Variants in ACTL8 observed in about 807,000 individuals in gnomAD.
The protein encoded by ACTL8 is actin-like protein 8.
In ACTL8, 3 loss-of-function variants were observed where a neutral mutation model predicts 9.3. The ratio of observed to expected loss-of-function variants is 0.32; its 90% CI spans 0.15 to 0.83. The LOEUF (loss-of-function observed/expected upper bound fraction) is 0.83, where lower values mean the gene tolerates loss of function less well. Ranked by LOEUF, ACTL8 falls within the 40% of genes least tolerant of loss-of-function variation. ACTL8 has a pLI of 0.57. For synonymous variants in ACTL8, 224 were observed against 205.9 expected, an observed-to-expected ratio of 1.09 and a Z score of -0.75; for missense variants, 381 against 492.2, an observed-to-expected ratio of 0.77 and a Z score of 2.14.
rs1363581514 is a variant in ACTL8 at position 17,800,010 on chromosome 1, A to G, written c.-24-22975A>G. On this transcript the variant is annotated intron_variant, in intron 1 of 2. Transcript: ENST00000375406. ...TTGCTGTACCTCTGGGACATCTCTT[A>G]ATGCCTCGGAGGCCAGAAGTTTTGC... Among the ~76,000 whole-genome samples the G allele has an allele frequency of 2.6e-5, 4 of 152,118 alleles. No individual in the cohort carries two copies. In the East Asian group the frequency reaches 7.7e-4, roughly 29 times the overall value.
intron 1 of ACTL8, among the ~76,000 whole-genome samples, chr1:17,771,213 CTG>C (rs2066080965): frequency 6.6e-6 from 1 of 152,118 alleles, no homozygotes; most frequent in South Asian, 2.1e-4. Flanking sequence ...ATGGGCGTGG[CTG>C]TGTTCCAATA....
At chr1:17,764,235 C>T (rs1022389190) in intron 1 of ACTL8, among the ~76,000 whole-genome samples, 1 of 152,150 alleles carries the variant, frequency 6.6e-6, no homozygotes, top group East Asian at 1.9e-4. Context: ...AGGGAAGCTG[C>T]TCTGTATCCT....
chr1:17,756,209 C>G (rs944067186), intron 1 of ACTL8, among the ~76,000 whole-genome samples: 1 of 151,962 alleles, frequency 6.6e-6, no homozygotes, highest in Non-Finnish European at 1.5e-5. Flanking sequence ...AATAGGGGCT[C>G]TTCCCAGGGG....
At position 17,823,109 on chromosome 1, in the gene ACTL8, A is replaced by AC. The variant is rs755362470; in HGVS notation, c.102dup (p.Tyr35LeufsTer15). ...CAGATGGTCTTCCCGAACATCGTGA[A>AC]CTACCTACCGTGCAAGGAGAACCCT... is the stretch of plus-strand genomic sequence containing the variant. On this transcript the variant is annotated frameshift_variant, in exon 2 of 3. Transcript: ENST00000375406. LOFTEE classifies it high-confidence loss of function. The surrounding 1 kb of genome is among the most constrained non-coding windows in gnomAD (Gnocchi z 5.3). The AC allele has an allele frequency of 1.2e-6, 2 of 1,614,228 alleles. No individual in the cohort carries two copies. Among genetic ancestry groups the AC allele is most frequent in the Admixed American group, 1.7e-5 (1 of 60,036 alleles).
intron 1 of ACTL8, among the ~76,000 whole-genome samples, chr1:17,817,570 C>T (rs951797855): frequency 2.0e-5 from 3 of 152,218 alleles, no homozygotes; most frequent in African/African-American, 4.8e-5. Context: ...TGGCCATTCT[C>T]ACTCAGTCCT....
chr1:17,825,676 C>G (rs1017970485), intron 2 of ACTL8, 91 bp from the exon 3 acceptor site: 12 of 1,492,718 alleles, frequency 8.0e-6, no homozygotes, highest in Non-Finnish European at 1.1e-5. Context: ...GCCCGAGAGT[C>G]CCCCCGAGGA....
intron 1 of ACTL8, among the ~76,000 whole-genome samples, chr1:17,822,024 AG>A (rs1214307413): frequency 2.0e-5 from 3 of 152,272 alleles, no homozygotes; most frequent in South Asian, 2.1e-4. Flanking sequence ...CCTTTTCAGC[AG>A]GGGGGCTGCT....
At chr1:17,769,054 G>A (rs183774096) in intron 1 of ACTL8, among the ~76,000 whole-genome samples, 3 of 152,202 alleles carry the variant, frequency 2.0e-5, no homozygotes, top group Admixed American at 2.0e-4. Context: ...TAAGTGACTT[G>A]GACAAAGTCA....
chr1:17,826,284 C>A lies in ACTL8; in HGVS notation c.866C>A (p.Pro289His). Residue 289 changes from proline (P) to histidine (H), a missense_variant, in exon 3 of 3, where the codon CCC becomes CAC. Physicochemically the swap from Pro to His is moderately conservative, Grantham distance 77. Transcript: ENST00000375406. This position sits in a 1 kb window ranked among gnomAD's most constrained non-coding sequence, Gnocchi z 4.5. ...GAGTCCTGCGAGATCTCCCTGCGCC[C>A]CCTGCTGGTCTCCCACGTGATGGCC... ...SVESCEISLR[P>H]LLVSHVMACG... 6.2e-7 allele frequency: 1 copy of A among 1,610,786 alleles called. No homozygotes were observed. The highest frequency in any genetic ancestry group is 8.5e-7 in the Non-Finnish European group (1 of 1,177,486).
chr1:17,788,601 C>G (rs1188242829), intron 1 of ACTL8, among the ~76,000 whole-genome samples: 1 of 152,182 alleles, frequency 6.6e-6, no homozygotes, highest in East Asian at 1.9e-4. Flanking sequence ...CAGCCAGGTG[C>G]AGAGGAGGAG....
intron 1 of ACTL8, among the ~76,000 whole-genome samples, chr1:17,773,043 A>G (rs2066094437): frequency 6.6e-6 from 1 of 152,192 alleles, no homozygotes. Flanking sequence ...ATAAGAGTCA[A>G]TTGGTTATTG....
At chr1:17,772,873 G>T (rs1394216944) in intron 1 of ACTL8, among the ~76,000 whole-genome samples, 2 of 151,818 alleles carry the variant, frequency 1.3e-5, no homozygotes, top group African/African-American at 4.8e-5. Context: ...TGGGTAATGA[G>T]GTCTTGTGAG....
intron 1 of ACTL8, among the ~76,000 whole-genome samples, chr1:17,808,172 C>T (rs112502215): frequency 2.0e-5 from 3 of 152,218 alleles, no homozygotes; most frequent in African/African-American, 7.2e-5. Flanking sequence ...TCATAAGGGT[C>T]CCTGATGGAG....
Position 17,826,910 on chromosome 1 carries a change from T to A in ACTL8, c.*391T>A. 1 of 158,434 alleles carries A rather than the reference T, an allele frequency of 6.3e-6. No individual in the cohort carries two copies. The highest frequency in any genetic ancestry group is 1.4e-5 in the Non-Finnish European group (1 of 72,356). The allele number at this position is 158,434 out of a possible 1,614,324, so 9.8% of individuals were successfully genotyped here. A position where few individuals can be genotyped will look rare whatever the true frequency, so the allele number is the denominator to read the frequency against. ...GCACTCCTGCTAGGAGTCCCAATTA[T>A]TTTTGACTAGGGGATGGGGGACAGT... On this transcript the variant is annotated 3_prime_UTR_variant, in exon 3 of 3. Coordinates refer to ENST00000375406, the MANE Select transcript of ACTL8 (RefSeq NM_030812.3). This position sits in a 1 kb window ranked among gnomAD's most constrained non-coding sequence, Gnocchi z 4.5.
At chr1:17,825,268 CT>C (rs1285570511) in intron 2 of ACTL8, among the ~76,000 whole-genome samples, 1 of 151,334 alleles carries the variant, frequency 6.6e-6, no homozygotes, top group Non-Finnish European at 1.5e-5. Context: ...TTTTTCTTTT[CT>C]TTTCTTTTCT....
At chr1:17,815,412 G>C (rs1170454876) in intron 1 of ACTL8, among the ~76,000 whole-genome samples, 3 of 151,768 alleles carry the variant, frequency 2.0e-5, no homozygotes, top group Non-Finnish European at 2.9e-5. Flanking sequence ...AAGATTTTTT[G>C]CTGGGTATAG....
rs1218528111 is a variant in ACTL8 at position 17,826,564 on chromosome 1, C to T, written c.*45C>T. The T allele has an allele frequency of 1.3e-5, 19 of 1,450,210 alleles. No individual in the cohort carries two copies. The highest frequency in any genetic ancestry group is 6.4e-5 in the South Asian group (4 of 62,926). 89.8% of individuals were successfully genotyped at this position (1,450,210 alleles called of 1,614,324 possible). ...AGAATGGGCTCCTGTTAGATGGGCACGGGCGGATTAATTTTAGCAAAATGT... is the reference window on the plus strand; with the variant it reads ...AGAATGGGCTCCTGTTAGATGGGCATGGGCGGATTAATTTTAGCAAAATGT... On this transcript the variant is annotated 3_prime_UTR_variant, in exon 3 of 3. Coordinates refer to ENST00000375406, the MANE Select transcript of ACTL8 (RefSeq NM_030812.3). This position sits in a 1 kb window ranked among gnomAD's most constrained non-coding sequence, Gnocchi z 4.5.
chr1:17,819,291 T>C (rs565266887), intron 1 of ACTL8, among the ~76,000 whole-genome samples: 11 of 152,354 alleles, frequency 7.2e-5, no homozygotes, highest in African/African-American at 9.6e-5. Flanking sequence ...CTCTGGATGA[T>C]TGAGTGTGAG....
At position 17,826,315 on chromosome 1, in the gene ACTL8, G is replaced by A. The variant is rs755816185; in HGVS notation, c.897G>A (p.Gly299=). The change falls in exon 3 of 3, where the codon GGG becomes GGA. Residue 299 remains glycine, a synonymous_variant. Coordinates refer to ENST00000375406, the MANE Select transcript of ACTL8 (RefSeq NM_030812.3). This position sits in a 1 kb window ranked among gnomAD's most constrained non-coding sequence, Gnocchi z 4.5. ...TGGTCTCCCACGTGATGGCCTGCGG[G>A]GGCAACACCCTCTATCCCGGGTTCA... ...PLLVSHVMAC[G]GNTLYPGFTK... 3 of 1,612,890 alleles carry A rather than the reference G, an allele frequency of 1.9e-6. No individual in the cohort carries two copies. The highest frequency in any genetic ancestry group is 1.7e-4 in the Middle Eastern group (1 of 6,058).
Sources: gnomAD v4.1 joint callset for allele counts (sites outside exome capture counted in the v4.1 genomes callset) on GRCh38, gnomAD v4.1.1 for gene constraint, Gnocchi (gnomAD v3.1) non-coding constraint, MANE v1.5 for transcripts, NCBI Gene and HGNC (gene_info 2026-07-23, HGNC 2026-07-21) for gene names.